Variants in ZNF565 observed in about 807,000 individuals in gnomAD.
ZNF565 encodes the protein zinc finger protein 565.
In ZNF565, 27 loss-of-function variants were observed where a neutral mutation model predicts 39.4. The ratio of observed to expected loss-of-function variants is 0.69; its 90% CI spans 0.51 to 0.95. The LOEUF (loss-of-function observed/expected upper bound fraction) is 0.95. Among genes scored for constraint, ZNF565 ranks in the 40% least tolerant of loss-of-function variants. The pLI, the probability that ZNF565 is intolerant of heterozygous loss-of-function variation, is 0.00. For synonymous variants in ZNF565, 185 were observed against 216.6 expected, an observed-to-expected ratio of 0.85 and a Z score of 1.28; for missense variants, 524 against 621.1, an observed-to-expected ratio of 0.84 and a Z score of 1.66.
At position 36,192,515 on chromosome 19, in the gene ZNF565, C is replaced by A. The variant is rs553276376; in HGVS notation, c.232+1718G>T. Among the ~76,000 whole-genome samples, 4 of 152,014 alleles carry A rather than the reference C, an allele frequency of 2.6e-5. No homozygotes were observed. In the South Asian group the frequency reaches 8.3e-4, roughly 32 times the overall value. ...CAGCACTTTGGAAGGTTGAGGTGGG[C>A]AGGTCACTTGAGCTCAGGAGTTTGA... On this transcript the variant is annotated intron_variant, in intron 4 of 4. Transcript: ENST00000304116.
At chr19:36,184,894 G>A (rs930571632) in intron 4 of ZNF565, among the ~76,000 whole-genome samples, 3 of 152,070 alleles carry the variant, frequency 2.0e-5, no homozygotes, top group Non-Finnish European at 4.4e-5. Flanking sequence ...AAGGCAAATG[G>A]ATCGCTTGAG....
chr19:36,220,056 T>C (rs1976769383), intron 1 of ZNF565, among the ~76,000 whole-genome samples: 1 of 152,340 alleles, frequency 6.6e-6, no homozygotes, highest in East Asian at 1.9e-4. Flanking sequence ...TCATTTTGGC[T>C]GACATCATTG....
chr19:36,236,438 C>G, intron 1 of ZNF565: 2 of 1,590,718 alleles, frequency 1.3e-6, no homozygotes, highest in Non-Finnish European at 1.7e-6. Flanking sequence ...AGCTTCCATT[C>G]AGATGTCACA....
chr19:36,194,283 C>T lies in ZNF565; in HGVS notation c.182G>A (p.Gly61Glu), dbSNP rs1975678910. The T allele has an allele frequency of 6.2e-7, 1 of 1,612,918 alleles. No individual in the cohort carries two copies. The highest frequency in any genetic ancestry group is 1.1e-5 in the South Asian group (1 of 90,802). ...ATTTGCAATCATCCAGGGCTCTTTC[C>T]CTTGCTCCAATAAGGAGACGACATC... is the stretch of plus-strand genomic sequence containing the variant. ...KPDVVSLLEQ[G>E]KEPWMIANDV... The change falls in exon 4 of 5, where the codon GGG becomes GAG. Residue 61 changes from glycine to glutamate, a missense_variant. Transcript: ENST00000304116.
At chr19:36,235,625 C>G (rs912937612) in intron 1 of ZNF565, 1 of 152,148 alleles carries the variant, frequency 6.6e-6, no homozygotes, top group Non-Finnish European at 1.5e-5. Flanking sequence ...GAATTTAACT[C>G]CTTTGTGCTA....
upstream of ZNF565, among the ~76,000 whole-genome samples, chr19:36,219,504 T>C (rs907476421): frequency 6.6e-6 from 1 of 151,936 alleles, no homozygotes; most frequent in African/African-American, 2.4e-5. Flanking sequence ...GAATCTCTGA[T>C]GATTTTTTTT....
chr19:36,185,043 A>G (rs1975237206), intron 4 of ZNF565, among the ~76,000 whole-genome samples: 1 of 151,798 alleles, frequency 6.6e-6, no homozygotes, highest in African/African-American at 2.4e-5. Context: ...ACTTGAACCT[A>G]GGAGGCAGAG....
rs377298566 is a variant in ZNF565 at position 36,182,357 on chromosome 19, T to C, written c.*109A>G. ...GTTTTCTGATGTTCTATGATGGAAGTGACAGGTGTTTTCTGACATTAATTA... is the reference window on the plus strand; with the variant it reads ...GTTTTCTGATGTTCTATGATGGAAGCGACAGGTGTTTTCTGACATTAATTA... On this transcript the variant is annotated 3_prime_UTR_variant, in exon 5 of 5. Coordinates refer to ENST00000304116, the MANE Select transcript of ZNF565 (RefSeq NM_152477.5). The C allele has an allele frequency of 1.1e-6, 1 of 870,304 alleles. No individual in the cohort carries two copies. 53.9% of individuals were successfully genotyped at this position (870,304 alleles called of 1,614,324 possible). A position where few individuals can be genotyped will look rare whatever the true frequency, so the allele number is the denominator to read the frequency against.
chr19:36,202,101 T>C, intron 1 of ZNF565, 51 bp from the exon 2 acceptor site: 1 of 1,017,362 alleles, frequency 9.8e-7, no homozygotes, highest in Admixed American at 1.7e-5. Context: ...AAACTGAGCT[T>C]GCCTCAGCAC....
intron 1 of ZNF565, among the ~76,000 whole-genome samples, chr19:36,211,449 T>TCTCA (rs1229625965): frequency 0.098 from 13,460 of 137,586 alleles, 675 homozygotes; most frequent in East Asian, 0.16. Flanking sequence ...CAACTCTCTC[T>TCTCA]CACACACACA....
intron 1 of ZNF565, among the ~76,000 whole-genome samples, chr19:36,230,956 C>A (rs1242402981): frequency 2.0e-5 from 3 of 152,136 alleles, no homozygotes; most frequent in Non-Finnish European, 4.4e-5. Flanking sequence ...CACCTGCCAC[C>A]ACGCCGGCTA....
upstream of ZNF565, chr19:36,218,024 C>G (rs976886028): frequency 6.6e-6 from 1 of 151,496 alleles, no homozygotes; most frequent in South Asian, 2.1e-4. Context: ...AGGCTGGTCT[C>G]GAACTCCTGA....
intron 4 of ZNF565, among the ~76,000 whole-genome samples, chr19:36,186,183 GACAAGGTTTC>G (rs997280569): frequency 6.6e-6 from 1 of 152,092 alleles, no homozygotes; most frequent in African/African-American, 2.4e-5. Context: ...TTTTATTAGA[GACAAGGTTTC>G]ACCATGTTAG....
At chr19:36,223,162 AT>A (rs1215838433) in intron 1 of ZNF565, among the ~76,000 whole-genome samples, 2 of 151,652 alleles carry the variant, frequency 1.3e-5, no homozygotes, top group Admixed American at 1.3e-4. Flanking sequence ...CACGCCTGTA[AT>A]CCCAGCACTT....
intron 1 of ZNF565, among the ~76,000 whole-genome samples, chr19:36,230,664 TG>T (rs1374388808): frequency 6.6e-6 from 1 of 152,030 alleles, no homozygotes; most frequent in African/African-American, 2.4e-5. Flanking sequence ...CAGAGAATAG[TG>T]ATCAGGGCCG....
rs574606330 is a variant in ZNF565, at chr19:36,199,737, T to C, written c.9+2240A>G. Among the ~76,000 whole-genome samples, 3 of 152,224 alleles carry C rather than the reference T, an allele frequency of 2.0e-5. No individual in the cohort carries two copies. In the East Asian group the frequency reaches 5.8e-4, roughly 29 times the overall value. On this transcript the variant is annotated intron_variant, in intron 2 of 4. Transcript: ENST00000304116. ...TCCCATGTTGTGCAGGCTGGTCTTG[T>C]ACTCCTGAGCTCAGGTAATTCACCT...
At chr19:36,240,942 G>A (rs59180415) in intron 1 of ZNF565, among the ~76,000 whole-genome samples, 1 of 152,042 alleles carries the variant, frequency 6.6e-6, no homozygotes, top group Non-Finnish European at 1.5e-5. Context: ...AAAAGGGCAA[G>A]TTTTGTCCCC....
rs769279280 is a variant in ZNF565, at chr19:36,183,164, G to C, written c.802C>G (p.Leu268Val). Residue 268 changes from leucine (L) to valine (V), a missense_variant, in exon 5 of 5, where the codon CTG becomes GTG. Leu to Val is a conservative substitution (Grantham distance 32). Transcript: ENST00000304116. Reference sequence around the variant, plus strand: ...TCGCCTGTGTGAGTTCTTTGATGCAGAATCAGCTGTGAATGCTGCCTAAAG... The same window carrying C: ...TCGCCTGTGTGAGTTCTTTGATGCACAATCAGCTGTGAATGCTGCCTAAAG... ...KTFRQHSQLI[L>V]HQRTHTGEKP... 3 of 1,614,010 alleles carry C rather than the reference G, an allele frequency of 1.9e-6. No homozygotes were observed. Among genetic ancestry groups the C allele is most frequent in the South Asian group, 2.2e-5 (2 of 91,080 alleles).
At chr19:36,217,062 T>TTTTTTC (rs1976641520), upstream of ZNF565, among the ~76,000 whole-genome samples, 2 of 131,262 alleles carry the variant, frequency 1.5e-5, no homozygotes, top group African/African-American at 5.7e-5. Context: ...TGTCTTTTTT[T>TTTTTTC]TTTTTTTTTT....
Sources: allele counts gnomAD v4.1 joint callset (sites outside exome capture counted in the v4.1 genomes callset), GRCh38; gene constraint gnomAD v4.1.1; transcripts MANE v1.5; gene names NCBI Gene and HGNC (gene_info 2026-07-23, HGNC 2026-07-21).